The following NDUFAF6 variants were observed in gnomAD, a reference collection of about 807,000 sequenced individuals.
The protein encoded by NDUFAF6 is NADH:ubiquinone oxidoreductase complex assembly factor 6, also known as NADH dehydrogenase (ubiquinone) complex I, assembly factor 6.
In NDUFAF6, 45 loss-of-function variants were observed where a neutral mutation model predicts 40.8. That is an observed-to-expected ratio of 1.10 (90% CI 0.87 to 1.42). NDUFAF6 has a LOEUF of 1.42. Ranked by LOEUF, NDUFAF6 falls within the 40% of genes most tolerant of loss-of-function variation. The pLI, the probability that NDUFAF6 is intolerant of heterozygous loss-of-function variation, is 0.00. For synonymous variants in NDUFAF6, 185 were observed against 155.9 expected (o/e 1.19, Z -1.39); for missense variants, 435 against 418.5 (o/e 1.04, Z -0.34).
intron 8 of NDUFAF6, among the ~76,000 whole-genome samples, chr8:95,053,392 G>A (rs1353126193): frequency 6.6e-6 from 1 of 152,018 alleles, no homozygotes; most frequent in Non-Finnish European, 1.5e-5. Flanking sequence ...GTTATCTGAT[G>A]GATATACCAT....
At chr8:95,081,704 G>A (rs142635867) in intron 2 of NDUFAF6, among the ~76,000 whole-genome samples, 57 of 152,290 alleles carry the variant, frequency 3.7e-4, no homozygotes, top group African/African-American at 7.7e-4. Context: ...AAAAAGAAAA[G>A]CATAATGTTT....
chr8:94,897,485 AT>A (rs1817710658), intron 1 of NDUFAF6, among the ~76,000 whole-genome samples: 1 of 152,124 alleles, frequency 6.6e-6, no homozygotes, highest in Non-Finnish European at 1.5e-5. Context: ...TTTCCTACTT[AT>A]CCGTTTTAAA....
At chr8:95,116,699 A>C (rs1259518807), downstream of NDUFAF6, among the ~76,000 whole-genome samples, 1 of 152,164 alleles carries the variant, frequency 6.6e-6, no homozygotes, top group Non-Finnish European at 1.5e-5. Flanking sequence ...TAAAAAGTAC[A>C]TGTATTTAAG....
chr8:94,940,881 G>A (rs1821465025), intron 1 of NDUFAF6: 1 of 1,613,664 alleles, frequency 6.2e-7, no homozygotes, highest in South Asian at 1.1e-5. Context: ...TTGAATTCTG[G>A]TTCTTGGTTG....
chr8:95,099,180 C>T (rs1428137644), upstream of NDUFAF6, among the ~76,000 whole-genome samples: 1 of 152,024 alleles, frequency 6.6e-6, no homozygotes, highest in African/African-American at 2.4e-5. Context: ...GTTGAGGCTG[C>T]AGTGAGCTGT....
chr8:95,058,055 G>A lies in NDUFAF6; in HGVS notation c.*118G>A, dbSNP rs1480737758. 4.1e-6 allele frequency: 6 copies of A among 1,479,262 alleles called. No homozygotes were observed. The East Asian group carries it at 1.2e-4, about 30-fold the overall frequency. 91.6% of individuals were successfully genotyped at this position (1,479,262 alleles called of 1,614,324 possible). The stretch of plus-strand genomic sequence containing the variant: ...AGAAAATGAATTTATTGAATGGGAT[G>A]TCAAGTAGCTCACAAAATTGAGAAG... On this transcript the variant is annotated 3_prime_UTR_variant, in exon 9 of 9. Transcript: ENST00000396124.
At chr8:94,939,970 G>A (rs766670766) in intron 1 of NDUFAF6, 2 of 1,614,142 alleles carry the variant, frequency 1.2e-6, no homozygotes, top group Admixed American at 1.7e-5. Flanking sequence ...CAATGAGAAG[G>A]TTTTCCATAG....
rs1554676278 is a variant in NDUFAF6 at position 95,046,036 on chromosome 8, A to ATTTTATTTTTTTTTT, written c.580+398_580+399insTTTTTTTTTTATTTT. Among the ~76,000 whole-genome samples, 479 of 150,840 alleles carry ATTTTATTTTTTTTTT rather than the reference A, an allele frequency of 3.2e-3. 3 individuals are homozygous for ATTTTATTTTTTTTTT. The highest frequency in any genetic ancestry group is 0.011 in the African/African-American group (459 of 41,212). ...AAAGTAGAAGAAGTAAAACACATTT[A>ATTTTATTTTTTTTTT]TTTTATTTTATTTTATTTTATTTTA... On this transcript the variant is annotated intron_variant, in intron 5 of 8. Transcript: ENST00000396124.
intron 2 of NDUFAF6, among the ~76,000 whole-genome samples, chr8:94,993,760 A>G (rs1408973616): frequency 6.6e-6 from 1 of 152,248 alleles, no homozygotes; most frequent in Non-Finnish European, 1.5e-5. Context: ...CCAGCCCACA[A>G]AAATAATAAG....
At chr8:94,947,167 C>T (rs1822091303) in intron 2 of NDUFAF6, among the ~76,000 whole-genome samples, 1 of 152,002 alleles carries the variant, frequency 6.6e-6, no homozygotes. Context: ...ATTCCAATTC[C>T]TTGTTTTCCC....
chr8:95,087,083 A>ATT (rs1351116514), intron 2 of NDUFAF6, among the ~76,000 whole-genome samples: 735 of 149,970 alleles, frequency 4.9e-3, no homozygotes, highest in African/African-American at 0.012. Flanking sequence ...TTTTTTTTAA[A>ATT]AAATTCTGCA....
chr8:95,040,496 T>C (rs549634181), intron 3 of NDUFAF6, among the ~76,000 whole-genome samples: 1 of 152,378 alleles, frequency 6.6e-6, no homozygotes, highest in African/African-American at 2.4e-5. Flanking sequence ...ATGGTTCTTG[T>C]CTGATTCAGT....
At chr8:95,027,276 GTTTC>G (rs1828269509) in intron 1 of NDUFAF6, among the ~76,000 whole-genome samples, 1 of 151,946 alleles carries the variant, frequency 6.6e-6, no homozygotes, top group Non-Finnish European at 1.5e-5. Flanking sequence ...ACTTGGGAAG[GTTTC>G]TTTAAGATTC....
At chr8:95,103,389 T>C (rs1156402753) in exon 3 of NDUFAF6, 5 of 152,102 alleles carry the variant, frequency 3.3e-5, no homozygotes, top group African/African-American at 1.2e-4. Context: ...ACCTGTAAAG[T>C]GGAAATAATA....
chr8:94,932,552 C>G (rs893769837), intron 1 of NDUFAF6, among the ~76,000 whole-genome samples: 3 of 152,236 alleles, frequency 2.0e-5, no homozygotes, highest in African/African-American at 7.2e-5. Context: ...GCCTGTAATC[C>G]CAGCACTTTG....
Position 94,970,309 on chromosome 8 carries a change from A to G in NDUFAF6, c.-198-10550A>G, listed in dbSNP as rs191715175. Among the ~76,000 whole-genome samples the G allele has an allele frequency of 1.3e-4, 20 of 152,210 alleles. No individual in the cohort carries two copies. The East Asian group carries it at 3.1e-3, about 23-fold the overall frequency. On this transcript the variant is annotated intron_variant, in intron 1 of 9. Coordinates refer to the NDUFAF6 transcript ENST00000396111. ...AAAAACATAAAATGACGTGTTTTCA[A>G]CTATTGAATTAGCAAAAAGTTACTA...
chr8:95,000,356 T>C (rs997848238), intron 2 of NDUFAF6, among the ~76,000 whole-genome samples: 1 of 151,888 alleles, frequency 6.6e-6, no homozygotes, highest in Non-Finnish European at 1.5e-5. Flanking sequence ...GAAAGCTTAT[T>C]TGGACATTCA....
downstream of NDUFAF6, among the ~76,000 whole-genome samples, chr8:95,117,996 C>T (rs1436516622): frequency 6.6e-6 from 1 of 152,184 alleles, no homozygotes; most frequent in Non-Finnish European, 1.5e-5. Flanking sequence ...GGGCTAAGCT[C>T]GGCAGTTCTT....
intron 1 of NDUFAF6, among the ~76,000 whole-genome samples, chr8:94,959,398 A>AGAGGAC (rs1823367303): frequency 6.6e-6 from 1 of 152,254 alleles, no homozygotes; most frequent in Non-Finnish European, 1.5e-5. Context: ...TGGAAGGGGA[A>AGAGGAC]GAGGACAAAC....
Sources: allele counts gnomAD v4.1 joint callset (sites outside exome capture counted in the v4.1 genomes callset), GRCh38; gene constraint gnomAD v4.1.1; transcripts MANE v1.5; gene names NCBI Gene and HGNC (gene_info 2026-07-23, HGNC 2026-07-21).